The following FARS2 variants were observed in gnomAD, a reference collection of about 807,000 sequenced individuals.
FARS2 encodes the protein phenylalanyl-tRNA synthetase 2, mitochondrial.
FARS2 carries 40 observed loss-of-function variants against 46.4 expected under a neutral mutation model. That is an observed-to-expected ratio of 0.86 (90% CI 0.67 to 1.12). The LOEUF (loss-of-function observed/expected upper bound fraction) is 1.12. Among genes scored for constraint, FARS2 ranks in the 50% most tolerant of loss-of-function variants. The probability of loss-of-function intolerance (pLI) is 0.00; values close to 1 mark genes in which losing one functional copy is unlikely to be tolerated. For missense variants in FARS2, 513 were observed against 567.9 expected (o/e 0.90, Z 0.98); for synonymous variants, 234 against 214.9 (o/e 1.09, Z -0.78).
At chr6:5,740,411 AG>A (rs1214753995) in intron 6 of FARS2, among the ~76,000 whole-genome samples, 2 of 152,162 alleles carry the variant, frequency 1.3e-5, no homozygotes, top group Non-Finnish European at 2.9e-5. Flanking sequence ...TTTACCAATG[AG>A]GTAAGTAAAT....
intron 6 of FARS2, among the ~76,000 whole-genome samples, chr6:5,614,411 CTTTTTT>C (rs199992978): frequency 2.9e-5 from 4 of 139,482 alleles, no homozygotes; most frequent in African/African-American, 1.1e-4. Flanking sequence ...CCTTCTTTGT[CTTTTTT>C]TTTTTTTTTT....
chr6:5,509,923 T>C (rs1032613838), intron 4 of FARS2, among the ~76,000 whole-genome samples: 4 of 152,232 alleles, frequency 2.6e-5, no homozygotes, highest in African/African-American at 4.8e-5. Context: ...AAATACATTA[T>C]GTCGCCCAAT....
At chr6:5,542,475 G>C (rs1204660641) in intron 4 of FARS2, among the ~76,000 whole-genome samples, 1 of 152,040 alleles carries the variant, frequency 6.6e-6, no homozygotes, top group Non-Finnish European at 1.5e-5. Flanking sequence ...TTTAATTCAG[G>C]GTTTCTCTGT....
intron 2 of FARS2, among the ~76,000 whole-genome samples, chr6:5,394,090 G>A (rs1423524044): frequency 4.6e-5 from 7 of 152,328 alleles, no homozygotes; most frequent in South Asian, 2.1e-4. Flanking sequence ...TGACATTACT[G>A]TCAAAGAGGG....
intron 3 of FARS2, among the ~76,000 whole-genome samples, chr6:5,418,940 C>T (rs954865891): frequency 2.0e-5 from 3 of 152,076 alleles, no homozygotes; most frequent in Non-Finnish European, 2.9e-5. Context: ...TTATTCCATC[C>T]TGTCCAGATG....
At chr6:5,266,190 A>G (rs770884005) in intron 1 of FARS2, among the ~76,000 whole-genome samples, 16 of 152,228 alleles carry the variant, frequency 1.1e-4, no homozygotes, top group Non-Finnish European at 2.1e-4. Flanking sequence ...AGAAAAAACA[A>G]TCATGACCTG....
chr6:5,607,068 G>GA (rs1254091785), intron 5 of FARS2, among the ~76,000 whole-genome samples: 9 of 152,094 alleles, frequency 5.9e-5, no homozygotes, highest in African/African-American at 2.2e-4. Context: ...TGGAAAACAA[G>GA]AAAAAATACG....
rs55951971 is a variant in FARS2, at chr6:5,367,021, C to T, written c.-21-1529C>T. On this transcript the variant is annotated intron_variant, in intron 1 of 6. Coordinates refer to ENST00000274680, the MANE Select transcript of FARS2 (RefSeq NM_006567.5). ...CATAAGTGAATAAAACCAGAGAGTT[C>T]CTGGGTATCTTTGAAAATGTCTCCC... 3.4e-3 allele frequency among the ~76,000 whole-genome samples: 514 copies of T among 152,304 alleles called. 4 individuals carry two copies. Among genetic ancestry groups the T allele is most frequent in the African/African-American group, 0.012 (488 of 41,572 alleles).
Position 5,770,237 on chromosome 6 carries a change from C to T in FARS2, c.1218-1054C>T, listed in dbSNP as rs75479798. 5.4e-3 allele frequency among the ~76,000 whole-genome samples: 817 copies of T among 152,320 alleles called. 9 individuals are homozygous for T. The highest frequency in any genetic ancestry group is 0.019 in the African/African-American group (782 of 41,574). ...CCATTTGTTCAAGGCCCTGGTATTA[C>T]TGAAGGCCCAGCCCTGTCTCACCTG... On this transcript the variant is annotated intron_variant, in intron 6 of 6. Coordinates refer to ENST00000274680, the MANE Select transcript of FARS2 (RefSeq NM_006567.5).
intron 4 of FARS2, among the ~76,000 whole-genome samples, chr6:5,480,740 TAAAGC>T (rs1766403434): frequency 6.6e-6 from 1 of 152,210 alleles, no homozygotes; most frequent in African/African-American, 2.4e-5. Flanking sequence ...CACTGTCACT[TAAAGC>T]AAAGCTACCA....
chr6:5,607,972 C>T lies in FARS2; in HGVS notation c.1066-5197C>T, dbSNP rs1582569565. On this transcript the variant is annotated intron_variant, in intron 5 of 6. Transcript: ENST00000274680. ...ACATTGATTATATTGCTACTTTTTA[C>T]TTGGGCATGTATTTTTTTTTTTTTT... Among the ~76,000 whole-genome samples, 3 of 124,886 alleles carry T rather than the reference C, an allele frequency of 2.4e-5. No individual in the cohort carries two copies. The South Asian group carries it at 9.2e-4, about 38-fold the overall frequency. 81.9% of individuals were successfully genotyped at this position (124,886 alleles called of 152,430 possible). A position where few individuals can be genotyped will look rare whatever the true frequency, so the allele number is the denominator to read the frequency against.
chr6:5,459,000 A>C (rs2150293979), intron 4 of FARS2, among the ~76,000 whole-genome samples: 1 of 152,304 alleles, frequency 6.6e-6, no homozygotes, highest in Middle Eastern at 3.4e-3. Flanking sequence ...TAAAGCATGA[A>C]ATATATTAAT....
At chr6:5,597,939 T>C (rs1425256766) in intron 5 of FARS2, among the ~76,000 whole-genome samples, 1 of 152,172 alleles carries the variant, frequency 6.6e-6, no homozygotes, top group African/African-American at 2.4e-5. Context: ...GTTGAAATTA[T>C]GCAGCATAAT....
chr6:5,370,059 C>G (rs1344963975), intron 2 of FARS2, among the ~76,000 whole-genome samples: 1 of 152,152 alleles, frequency 6.6e-6, no homozygotes, highest in African/African-American at 2.4e-5. Context: ...ATGTCCCTTC[C>G]AGACATGTTC....
At chr6:5,456,584 T>G (rs1205594392) in intron 4 of FARS2, among the ~76,000 whole-genome samples, 1 of 151,644 alleles carries the variant, frequency 6.6e-6, no homozygotes, top group East Asian at 1.9e-4. Flanking sequence ...GCACAAAAAA[T>G]TAACCAGGCT....
chr6:5,380,816 A>G (rs182017627), intron 2 of FARS2, among the ~76,000 whole-genome samples: 1 of 152,244 alleles, frequency 6.6e-6, no homozygotes, highest in Admixed American at 6.5e-5. Flanking sequence ...GCAAAATTGT[A>G]AACTTTTGTT....
chr6:5,597,109 C>T (rs562131141), intron 5 of FARS2, among the ~76,000 whole-genome samples: 11 of 152,172 alleles, frequency 7.2e-5, no homozygotes, highest in African/African-American at 1.7e-4. Context: ...CTGCCCTGGA[C>T]GGAAAGCAGC....
chr6:5,610,276 G>C lies in FARS2; in HGVS notation c.1066-2893G>C, dbSNP rs1027566293. 2.6e-5 allele frequency: 11 copies of C among 430,576 alleles called. No individual in the cohort carries two copies. The Admixed American group carries it at 3.4e-4, about 13-fold the overall frequency. 26.7% of individuals were successfully genotyped at this position (430,576 alleles called of 1,614,324 possible). On this transcript the variant is annotated intron_variant, in intron 5 of 6. Transcript: ENST00000274680. Reference sequence around the variant, plus strand: ...GCAGAAAGTAGCAAGCTGACGAATCGTATCTGTAGTTTTGATGCCCTTTTC... The same window carrying C: ...GCAGAAAGTAGCAAGCTGACGAATCCTATCTGTAGTTTTGATGCCCTTTTC...
chr6:5,254,571 T>C, the FARS2 span, among the ~76,000 whole-genome samples: 1 of 152,342 alleles, frequency 6.6e-6, no homozygotes, highest in African/African-American at 2.4e-5. Flanking sequence ...GGAATAGAGA[T>C]AAGACAGAAT....
Sources: allele counts gnomAD v4.1 joint callset (sites outside exome capture counted in the v4.1 genomes callset), GRCh38; gene constraint gnomAD v4.1.1; transcripts MANE v1.5; gene names NCBI Gene and HGNC (gene_info 2026-07-23, HGNC 2026-07-21).